The following NKAIN2 variants were observed in gnomAD, a reference collection of about 807,000 sequenced individuals.
The protein encoded by NKAIN2 is sodium/potassium transporting ATPase interacting 2, also known as sodium/potassium-transporting ATPase subunit beta-1-interacting protein 2.
Under a neutral mutation model 32.6 loss-of-function variants are expected in NKAIN2, and 14 were observed. The ratio of observed to expected loss-of-function variants is 0.43; its 90% CI spans 0.28 to 0.67. The LOEUF (loss-of-function observed/expected upper bound fraction) is 0.67, where lower values mean the gene tolerates loss of function less well. Ranked by LOEUF, NKAIN2 falls within the 30% of genes least tolerant of loss-of-function variation. The probability of loss-of-function intolerance (pLI) is 0.17; values close to 1 mark genes in which losing one functional copy is unlikely to be tolerated. For missense variants in NKAIN2, 198 were observed against 258.3 expected (o/e 0.77, Z 1.60); for synonymous variants, 80 against 87.2 (o/e 0.92, Z 0.46).
rs1312058452 is a variant in NKAIN2 at position 123,964,082 on chromosome 6, C to T, written c.54+159828C>T. Among the ~76,000 whole-genome samples, 2 of 152,096 alleles carry T rather than the reference C, an allele frequency of 1.3e-5. No homozygotes were observed. The highest frequency in any genetic ancestry group is 6.6e-5 in the Admixed American group (1 of 15,248). The stretch of plus-strand genomic sequence containing the variant: ...GAATCCTTGTTCAGGAACACAACAT[C>T]CAATTACAAAATTACTCCTAGGGGA... On this transcript the variant is annotated intron_variant, in intron 1 of 6. Coordinates refer to ENST00000368417, the MANE Select transcript of NKAIN2 (RefSeq NM_001040214.3). The surrounding 1 kb of genome is among the most constrained non-coding windows in gnomAD (Gnocchi z 4.0).
At chr6:124,217,800 T>C (rs371425401) in intron 1 of NKAIN2, among the ~76,000 whole-genome samples, 4 of 105,666 alleles carry the variant, frequency 3.8e-5, no homozygotes, top group Non-Finnish European at 9.4e-5. Flanking sequence ...CACACACACA[T>C]ATACACACAC....
chr6:124,333,682 A>C (rs145401171), intron 2 of NKAIN2, among the ~76,000 whole-genome samples: 1,690 of 150,830 alleles, frequency 0.011, 33 homozygotes, highest in African/African-American at 0.039. Flanking sequence ...TAAATAAATA[A>C]ATACATAAAT....
At chr6:124,110,187 T>A (rs1785315387) in intron 1 of NKAIN2, among the ~76,000 whole-genome samples, 1 of 151,714 alleles carries the variant, frequency 6.6e-6, no homozygotes, top group African/African-American at 2.4e-5. Context: ...TTTACTATTA[T>A]CGAGTGCAGT....
intron 4 of NKAIN2, among the ~76,000 whole-genome samples, chr6:124,671,705 C>G (rs1403294447): frequency 1.3e-5 from 2 of 152,060 alleles, no homozygotes; most frequent in Non-Finnish European, 2.9e-5. Context: ...TCCCTGCACT[C>G]TCTGAGTATA....
At chr6:124,332,393 AATTCAAAGAGT>A (rs1797700773) in intron 2 of NKAIN2, among the ~76,000 whole-genome samples, 1 of 152,178 alleles carries the variant, frequency 6.6e-6, no homozygotes, top group Admixed American at 6.5e-5. Flanking sequence ...ACGACACTCT[AATTCAAAGAGT>A]ATTTTAGTAC....
intron 3 of NKAIN2, among the ~76,000 whole-genome samples, chr6:124,362,563 C>A (rs1799333779): frequency 1.3e-5 from 2 of 152,058 alleles, no homozygotes; most frequent in Admixed American, 1.3e-4. Context: ...TTGAAAATGC[C>A]ATTTGCTGAC....
At chr6:124,233,103 G>A (rs1303240844) in intron 1 of NKAIN2, among the ~76,000 whole-genome samples, 3 of 151,850 alleles carry the variant, frequency 2.0e-5, no homozygotes. Context: ...GATGACCTAT[G>A]AGCTACCATC....
At chr6:124,339,957 G>C (rs887991291) in intron 2 of NKAIN2, among the ~76,000 whole-genome samples, 2 of 152,028 alleles carry the variant, frequency 1.3e-5, no homozygotes, top group Non-Finnish European at 1.5e-5. Context: ...TCTTGACTAT[G>C]TTCTTTCAAT....
At chr6:124,692,352 T>C (rs918499875) in intron 4 of NKAIN2, among the ~76,000 whole-genome samples, 2 of 152,166 alleles carry the variant, frequency 1.3e-5, no homozygotes, top group Non-Finnish European at 2.9e-5. Flanking sequence ...AGTATTCTCA[T>C]AAAAACACTA....
chr6:123,894,831 C>T (rs1056357434), intron 1 of NKAIN2, among the ~76,000 whole-genome samples: 2 of 152,018 alleles, frequency 1.3e-5, no homozygotes, highest in African/African-American at 2.4e-5. Context: ...CCATGGCAAC[C>T]GTAGCAGCTC....
intron 4 of NKAIN2, among the ~76,000 whole-genome samples, chr6:124,735,641 C>T (rs567029385): frequency 2.0e-5 from 3 of 151,836 alleles, no homozygotes; most frequent in Admixed American, 1.3e-4. Context: ...AACATATGCT[C>T]ACTTCATGTC....
In NKAIN2 at chr6:124,085,561, C is replaced by T. The variant is rs539777657; in HGVS notation, c.55-197444C>T. 1.7e-4 allele frequency among the ~76,000 whole-genome samples: 25 copies of T among 151,020 alleles called. 1 individual carries two copies. In the South Asian group the frequency reaches 5.2e-3, roughly 32 times the overall value. ...GGTGAGTGGAACACTTTTCTTGGCC[C>T]CTGTTTCTTCATGTGTACACTGGGG... is the stretch of plus-strand genomic sequence containing the variant. On this transcript the variant is annotated intron_variant, in intron 1 of 6. Transcript: ENST00000368417.
At chr6:124,331,672 G>C (rs1253876394) in intron 2 of NKAIN2, among the ~76,000 whole-genome samples, 1 of 152,096 alleles carries the variant, frequency 6.6e-6, no homozygotes, top group Non-Finnish European at 1.5e-5. Flanking sequence ...ACACCTTGTG[G>C]CCCTGCATTT....
At chr6:124,607,054 G>C (rs80266363) in intron 3 of NKAIN2, among the ~76,000 whole-genome samples, 4 of 152,112 alleles carry the variant, frequency 2.6e-5, no homozygotes, top group Non-Finnish European at 5.9e-5. Context: ...GTTGGACATG[G>C]AGTTGTTGCT....
intron 1 of NKAIN2, among the ~76,000 whole-genome samples, chr6:124,219,268 C>A (rs1057482923): frequency 7.7e-6 from 1 of 129,272 alleles, no homozygotes; most frequent in African/African-American, 2.9e-5. Flanking sequence ...TTTTTATTTT[C>A]TTTTTTCTTT....
chr6:124,359,716 G>A lies in NKAIN2; in HGVS notation c.273+4369G>A, dbSNP rs552607047. Among the ~76,000 whole-genome samples, 524 of 152,118 alleles carry A rather than the reference G, an allele frequency of 3.4e-3. 1 individual carries two copies. The highest frequency in any genetic ancestry group is 0.01 in the South Asian group (50 of 4,816). ...CTAGATATACAATGATGTCATCTGC[G>A]AACAGGGACAATTTGACTTCCTCTT... On this transcript the variant is annotated intron_variant, in intron 3 of 6. Coordinates refer to ENST00000368417, the MANE Select transcript of NKAIN2 (RefSeq NM_001040214.3).
intron 5 of NKAIN2, among the ~76,000 whole-genome samples, chr6:124,810,890 T>C (rs1166502047): frequency 1.3e-5 from 2 of 148,516 alleles, no homozygotes; most frequent in Non-Finnish European, 3.0e-5. Flanking sequence ...TACGTCTTCC[T>C]ATAAAGGATT....
intron 1 of NKAIN2, among the ~76,000 whole-genome samples, chr6:124,254,355 G>C (rs185165424): frequency 6.6e-6 from 1 of 152,238 alleles, no homozygotes; most frequent in South Asian, 2.1e-4. Flanking sequence ...CCCTATGAGA[G>C]CAACATCTGT....
intron 2 of NKAIN2, among the ~76,000 whole-genome samples, chr6:124,294,404 G>A (rs1391257114): frequency 2.0e-5 from 3 of 152,050 alleles, no homozygotes; most frequent in Non-Finnish European, 4.4e-5. Context: ...CAGTCTGTTT[G>A]TCAAATAATA....
Sources: gnomAD v4.1 joint callset for allele counts (sites outside exome capture counted in the v4.1 genomes callset) on GRCh38, gnomAD v4.1.1 for gene constraint, Gnocchi (gnomAD v3.1) non-coding constraint, MANE v1.5 for transcripts, NCBI Gene and HGNC (gene_info 2026-07-23, HGNC 2026-07-21) for gene names.